The following CERK variants were observed in gnomAD, a reference collection of about 807,000 sequenced individuals.
CERK encodes the protein ceramide kinase.
Under a neutral mutation model 63.4 loss-of-function variants are expected in CERK, and 39 were observed. The observed-to-expected ratio is 0.61, with a 90% CI of 0.48 to 0.80. The LOEUF is 0.80. Ranked by LOEUF, CERK falls within the 30% of genes least tolerant of loss-of-function variation. CERK has a pLI of 0.00. For missense variants in CERK, 670 were observed against 714.1 expected (o/e 0.94, Z 0.70); for synonymous variants, 302 against 280.0 (o/e 1.08, Z -0.78).
At chr22:46,712,330 A>G in intron 3 of CERK, 37 bp from the exon 4 acceptor site, 1 of 1,605,306 alleles carries the variant, frequency 6.2e-7, no homozygotes, top group Non-Finnish European at 8.5e-7. Flanking sequence ...AACGAAAATA[A>G]CAAAATCAAA....
chr22:46,732,585 CTTT>C (rs60804134), intron 1 of CERK, among the ~76,000 whole-genome samples: 15 of 141,634 alleles, frequency 1.1e-4, no homozygotes, highest in Non-Finnish European at 1.1e-4. Context: ...AAGGATATCA[CTTT>C]TTTTTTTTTT....
At chr22:46,733,166 C>T (rs1239642464) in intron 1 of CERK, among the ~76,000 whole-genome samples, 2 of 142,550 alleles carry the variant, frequency 1.4e-5, no homozygotes, top group Admixed American at 7.1e-5. Context: ...TGAGATCACG[C>T]CACTGCACTC....
At chr22:46,709,516 C>T (rs1011887550) in intron 5 of CERK, among the ~76,000 whole-genome samples, 4 of 152,190 alleles carry the variant, frequency 2.6e-5, no homozygotes, top group East Asian at 1.9e-4. Flanking sequence ...AAGGGGTCTC[C>T]CTGTCAGCAC....
chr22:46,703,530 C>T (rs1307031634), intron 6 of CERK, among the ~76,000 whole-genome samples: 1 of 152,192 alleles, frequency 6.6e-6, no homozygotes, highest in Non-Finnish European at 1.5e-5. Context: ...TGCCCCCAGG[C>T]TGCTCCCCAG....
At chr22:46,719,256 G>T (rs1285846813) in intron 3 of CERK, among the ~76,000 whole-genome samples, 5 of 151,980 alleles carry the variant, frequency 3.3e-5, no homozygotes, top group African/African-American at 1.2e-4. Flanking sequence ...CGTGTCATGG[G>T]GGTTTGGTGT....
intron 7 of CERK, among the ~76,000 whole-genome samples, chr22:46,700,267 C>T (rs2082777119): frequency 6.6e-6 from 1 of 151,198 alleles, no homozygotes; most frequent in Non-Finnish European, 1.5e-5. Flanking sequence ...GTGGCAGGTG[C>T]CTGTAATCCC....
chr22:46,703,436 G>C (rs548406292), intron 6 of CERK, among the ~76,000 whole-genome samples: 22 of 152,134 alleles, frequency 1.4e-4, no homozygotes, highest in African/African-American at 5.1e-4. Context: ...AGTGAGTTCA[G>C]GTACCTGCTG....
rs375210247 is a variant in CERK, at chr22:46,690,030, G to A, written c.1503C>T (p.Cys501=). ...CAGGGCTGTGCAGGACCTCCCCGTCGCAGTTCCAGGAGCTGTTGGAGACGG... is the reference window on the plus strand; with the variant it reads ...CAGGGCTGTGCAGGACCTCCCCGTCACAGTTCCAGGAGCTGTTGGAGACGG... ...CCTVSNSSWN[C]DGEVLHSPAI... is the part of the protein sequence containing the mutation. The change falls in exon 12 of 13, where the codon TGC becomes TGT. Residue 501 remains cysteine (C), a synonymous_variant. Coordinates refer to ENST00000216264, the MANE Select transcript of CERK (RefSeq NM_022766.6). The A allele has an allele frequency of 4.8e-5, 78 of 1,611,952 alleles. No individual in the cohort carries two copies. The highest frequency in any genetic ancestry group is 8.0e-5 in the African/African-American group (6 of 74,936).
intron 10 of CERK, among the ~76,000 whole-genome samples, chr22:46,692,248 G>A (rs557036859): frequency 4.2e-4 from 61 of 143,982 alleles, no homozygotes; most frequent in Middle Eastern, 7.6e-3. Flanking sequence ...CCAACATGGT[G>A]AAAACCATCT....
Position 46,690,101 on chromosome 22 carries a change from T to G in CERK, c.1432A>C (p.Lys478Gln). Residue 478 changes from lysine to glutamine, a missense_variant, in exon 12 of 13, where the codon AAG (lysine) becomes CAG (glutamine). By Grantham distance (53) the Lys-to-Gln change is moderately conservative. Transcript: ENST00000216264. ...EDSDLKEGGK[K>Q]RFGHICSSHP... ...CTGCTGCAAATGTGCCCAAAGCGCT[T>G]CTTCCCCCCCTCCTTGAGGTCGCTG... 6.2e-7 allele frequency: 1 copy of G among 1,614,056 alleles called. No homozygotes were observed. The highest frequency in any genetic ancestry group is 8.5e-7 in the Non-Finnish European group (1 of 1,180,002).
chr22:46,689,473 C>T (rs371820665), intron 12 of CERK, among the ~76,000 whole-genome samples: 6 of 152,318 alleles, frequency 3.9e-5, no homozygotes, highest in East Asian at 3.9e-4. Context: ...TGGGTTCAAG[C>T]GACTCTCCTG....
In CERK at chr22:46,691,633, C is replaced by T. The variant is rs759596194; in HGVS notation, c.1271G>A (p.Arg424Gln). Residue 424 changes from arginine to glutamine, a missense_variant, in exon 11 of 13, where the codon CGG becomes CAG. Transcript: ENST00000216264. Reference sequence around the variant, plus strand: ...CAGAAAATTGAACCTGGAGCATTTCCGGATGAGGATGAGGTCAGAAGACCC... The same window carrying T: ...CAGAAAATTGAACCTGGAGCATTTCTGGATGAGGATGAGGTCAGAAGACCC... Reference protein sequence around the residue: ...GDGSSDLILIRKCSRFNFLRF... With the variant: ...GDGSSDLILIQKCSRFNFLRF... The T allele has an allele frequency of 1.7e-5, 27 of 1,613,846 alleles. No homozygotes were observed. The highest frequency in any genetic ancestry group is 3.3e-5 in the Admixed American group (2 of 59,992).
chr22:46,721,155 G>A lies in CERK; in HGVS notation c.143-140C>T, dbSNP rs542269851. 16 of 617,904 alleles carry A rather than the reference G, an allele frequency of 2.6e-5. No homozygotes were observed. In the South Asian group the frequency reaches 2.7e-4, roughly 11 times the overall value. The allele number at this position is 617,904 out of a possible 1,614,324, so 38.3% of individuals were successfully genotyped here. Reference sequence around the variant, plus strand: ...AGGCTGGGTGTGGTGGTGTGCACCTGTAATCCCAGCACTTTGGGAGGCTGA... The same window carrying A: ...AGGCTGGGTGTGGTGGTGTGCACCTATAATCCCAGCACTTTGGGAGGCTGA... On this transcript the variant is annotated intron_variant, in intron 1 of 12. Coordinates refer to ENST00000216264, the MANE Select transcript of CERK (RefSeq NM_022766.6).
chr22:46,721,738 G>A (rs956023242), intron 1 of CERK, among the ~76,000 whole-genome samples: 19 of 152,138 alleles, frequency 1.2e-4, no homozygotes, highest in African/African-American at 1.4e-4. Context: ...CTGGAACCAC[G>A]GAGCTTGCAA....
intron 6 of CERK, among the ~76,000 whole-genome samples, chr22:46,702,480 G>A (rs566783851): frequency 2.4e-4 from 36 of 152,154 alleles, no homozygotes; most frequent in African/African-American, 8.2e-4. Flanking sequence ...CTTAGTAGAG[G>A]CAGGGTTTCA....
chr22:46,703,606 G>T (rs1265398844), intron 6 of CERK, among the ~76,000 whole-genome samples: 1 of 152,230 alleles, frequency 6.6e-6, no homozygotes, highest in East Asian at 1.9e-4. Flanking sequence ...CTCCACTCAA[G>T]GCGATGCTGC....
At chr22:46,713,058 G>A (rs1223218049) in intron 3 of CERK, among the ~76,000 whole-genome samples, 1 of 151,776 alleles carries the variant, frequency 6.6e-6, no homozygotes, top group Non-Finnish European at 1.5e-5. Context: ...GTTAGCCAGA[G>A]TCACCCCCAT....
At position 46,690,003 on chromosome 22, in the gene CERK, G is replaced by T. The variant is rs753109971; in HGVS notation, c.1530C>A (p.Ala510=). 1 of 1,606,244 alleles carries T rather than the reference G, an allele frequency of 6.2e-7. No homozygotes were observed. Among genetic ancestry groups the T allele is most frequent in the Non-Finnish European group, 8.5e-7 (1 of 1,179,388 alleles). The change falls in exon 12 of 13, where the codon GCC becomes GCA. Residue 510 remains alanine (A), a synonymous_variant. Coordinates refer to ENST00000216264, the MANE Select transcript of CERK (RefSeq NM_022766.6). ...ACCCCTGCACGCACCTGACCTCGAT[G>T]GCAGGGCTGTGCAGGACCTCCCCGT... ...NCDGEVLHSP[A]IEVRVHCQLV...
chr22:46,737,947 C>A, intron 1 of CERK, 60 bp downstream of exon 1: 1 of 1,124,608 alleles, frequency 8.9e-7, no homozygotes, highest in South Asian at 4.3e-5. Context: ...AGCCGGGTCC[C>A]CCAAGCCGCC....
Sources: allele counts gnomAD v4.1 joint callset (sites outside exome capture counted in the v4.1 genomes callset), GRCh38; gene constraint gnomAD v4.1.1; transcripts MANE v1.5; gene names NCBI Gene and HGNC (gene_info 2026-07-23, HGNC 2026-07-21).